ZNF892: variants seen among roughly 807,000 people sequenced by gnomAD.
The protein encoded by ZNF892 is zinc finger protein 892, also known as zinc finger protein 570-like.
At chr2:95,225,075 C>CA in the ZNF892 span, among the ~76,000 whole-genome samples, 2 of 152,172 alleles carry the variant, frequency 1.3e-5, no homozygotes, top group Non-Finnish European at 2.9e-5. Context: ...GTCATAGCAG[C>CA]ACAAAAGGGG....
chr2:95,243,757 G>C, the ZNF892 span, among the ~76,000 whole-genome samples: 1 of 151,430 alleles, frequency 6.6e-6, no homozygotes, highest in Admixed American at 6.6e-5. Flanking sequence ...CGCCCCGTCC[G>C]GGAGGTGAGG....
At chr2:95,208,707 A>G in the ZNF892 span, 1 of 398,612 alleles carries the variant, frequency 2.5e-6, no homozygotes, top group African/African-American at 2.1e-5. Flanking sequence ...AAATGACGTG[A>G]CTGCTGTGCT....
At chr2:95,239,771 G>A in the ZNF892 span, among the ~76,000 whole-genome samples, 2 of 152,194 alleles carry the variant, frequency 1.3e-5, no homozygotes, top group Middle Eastern at 3.4e-3. Flanking sequence ...GGGATTACAG[G>A]CATCTGCCAC....
the ZNF892 span, among the ~76,000 whole-genome samples, chr2:95,224,195 A>G: frequency 6.6e-6 from 1 of 152,236 alleles, no homozygotes; most frequent in Non-Finnish European, 1.5e-5. Flanking sequence ...CAGCTGGAAC[A>G]GACTAAGGTA....
chr2:95,250,311 G>T, the ZNF892 span, among the ~76,000 whole-genome samples: 1 of 151,824 alleles, frequency 6.6e-6, no homozygotes, highest in Non-Finnish European at 1.5e-5. Context: ...TAAGTTGTAT[G>T]TCTGCAGTAC....
the ZNF892 span, among the ~76,000 whole-genome samples, chr2:95,244,787 G>A: frequency 6.6e-6 from 1 of 152,150 alleles, no homozygotes; most frequent in Admixed American, 6.5e-5. Context: ...CACATATTTG[G>A]AAGTAAAACA....
the ZNF892 span, among the ~76,000 whole-genome samples, chr2:95,258,591 T>G: frequency 6.6e-6 from 1 of 152,226 alleles, no homozygotes; most frequent in East Asian, 1.9e-4. Context: ...AAGTTAGGCT[T>G]TGAAAATAGA....
At chr2:95,236,920 A>G in the ZNF892 span, among the ~76,000 whole-genome samples, 1 of 152,240 alleles carries the variant, frequency 6.6e-6, no homozygotes, top group African/African-American at 2.4e-5. Context: ...GGAATTTCAC[A>G]TACAGGCATA....
the ZNF892 span, among the ~76,000 whole-genome samples, chr2:95,252,089 T>C: frequency 6.6e-6 from 1 of 152,224 alleles, no homozygotes; most frequent in Non-Finnish European, 1.5e-5. Flanking sequence ...TTACTTCTTT[T>C]CTTTTTTTAT....
At chr2:95,219,766 C>T in the ZNF892 span, among the ~76,000 whole-genome samples, 1 of 152,140 alleles carries the variant, frequency 6.6e-6, no homozygotes, top group Non-Finnish European at 1.5e-5. Context: ...TGCCTCATTA[C>T]TTTAAGTTGG....
chr2:95,242,750 T>C, the ZNF892 span, among the ~76,000 whole-genome samples: 1 of 152,130 alleles, frequency 6.6e-6, no homozygotes, highest in East Asian at 1.9e-4. Flanking sequence ...GAGATCCATC[T>C]CATGTGCAAA....
the ZNF892 span, among the ~76,000 whole-genome samples, chr2:95,230,793 T>C: frequency 6.6e-6 from 1 of 152,328 alleles, no homozygotes; most frequent in African/African-American, 2.4e-5. Flanking sequence ...TGGGGGTTGC[T>C]CTTATGTTTT....
At chr2:95,233,534 G>T in the ZNF892 span, among the ~76,000 whole-genome samples, 1 of 151,166 alleles carries the variant, frequency 6.6e-6, no homozygotes, top group Non-Finnish European at 1.5e-5. Context: ...TTAGCCGGGC[G>T]TGGTGGTGGG....
chr2:95,218,311 C>T, the ZNF892 span, among the ~76,000 whole-genome samples: 1 of 152,218 alleles, frequency 6.6e-6, no homozygotes, highest in Non-Finnish European at 1.5e-5. Context: ...TTACTACAAG[C>T]ACTAAGGGGA....
chr2:95,256,868 C>A, the ZNF892 span, among the ~76,000 whole-genome samples: 1 of 152,188 alleles, frequency 6.6e-6, no homozygotes, highest in Admixed American at 6.5e-5. Context: ...ATGGAATTGG[C>A]TACTGAGGCT....
the ZNF892 span, among the ~76,000 whole-genome samples, chr2:95,231,393 G>A: frequency 3.3e-5 from 5 of 152,182 alleles, no homozygotes; most frequent in Non-Finnish European, 7.3e-5. Context: ...CTACTTTGAG[G>A]GGGACTGCCT....
chr2:95,257,820 C>T, the ZNF892 span, among the ~76,000 whole-genome samples: 1 of 152,220 alleles, frequency 6.6e-6, no homozygotes. Flanking sequence ...TCTCAGACTG[C>T]TGTGCTAGCA....
the ZNF892 span, among the ~76,000 whole-genome samples, chr2:95,230,674 T>C: frequency 6.6e-5 from 10 of 152,186 alleles, no homozygotes; most frequent in Admixed American, 6.5e-4. Flanking sequence ...CTGCTTCCGA[T>C]GGGATGGAGG....
chr2:95,248,793 CTA>C, the ZNF892 span, among the ~76,000 whole-genome samples: 1 of 152,124 alleles, frequency 6.6e-6, no homozygotes, highest in Non-Finnish European at 1.5e-5. Flanking sequence ...CTGCAACTTT[CTA>C]TATTCATTTA....
Sources: allele counts gnomAD v4.1 joint callset (sites outside exome capture counted in the v4.1 genomes callset), GRCh38; gene constraint gnomAD v4.1.1; transcripts MANE v1.5; gene names NCBI Gene and HGNC (gene_info 2026-07-23, HGNC 2026-07-21).